The following AOAH variants were observed in gnomAD, a reference collection of about 807,000 sequenced individuals.
AOAH encodes acyloxyacyl hydrolase, also known as acyloxyacyl hydrolase (neutrophil).
AOAH carries 64 observed loss-of-function variants against 92.2 expected under a neutral mutation model. The observed-to-expected ratio is 0.69, with a 90% CI of 0.57 to 0.86. The LOEUF (loss-of-function observed/expected upper bound fraction) is 0.86. AOAH is among the 40% of genes least tolerant of loss of function. The pLI is 0.00. For missense variants in AOAH, 656 were observed against 694.6 expected, an observed-to-expected ratio of 0.94 and a Z score of 0.62; for synonymous variants, 263 against 254.5, an observed-to-expected ratio of 1.03 and a Z score of -0.32.
At chr7:36,653,026 T>A (rs183298607) in intron 4 of AOAH, among the ~76,000 whole-genome samples, 13 of 152,346 alleles carry the variant, frequency 8.5e-5, no homozygotes, top group African/African-American at 3.1e-4. Context: ...TGTGTTCACA[T>A]TGTGGGGAAT....
chr7:36,529,149 G>A (rs950587296), intron 19 of AOAH, among the ~76,000 whole-genome samples: 21 of 152,054 alleles, frequency 1.4e-4, no homozygotes, highest in Non-Finnish European at 2.9e-5. Context: ...TCCAGGGCTG[G>A]AAAGGGAGTT....
At chr7:36,541,377 G>A (rs556452098) in intron 15 of AOAH, among the ~76,000 whole-genome samples, 16 of 152,230 alleles carry the variant, frequency 1.1e-4, no homozygotes, top group Non-Finnish European at 2.1e-4. Flanking sequence ...AGAGACACAG[G>A]CCTAAAATCA....
At chr7:36,662,448 C>A (rs1180112563) in intron 3 of AOAH, among the ~76,000 whole-genome samples, 1 of 152,210 alleles carries the variant, frequency 6.6e-6, no homozygotes, top group East Asian at 1.9e-4. Flanking sequence ...CTGCTTGTTG[C>A]AGATAAAGTC....
intron 20 of AOAH, among the ~76,000 whole-genome samples, chr7:36,517,230 C>CTTTCTCTTTCTTTCTG (rs1205876365): frequency 3.8e-4 from 32 of 83,170 alleles, no homozygotes; most frequent in African/African-American, 1.6e-3. Context: ...CTTTCTGTCT[C>CTTTCTCTTTCTTTCTG]TCTCTCTCTC....
intron 4 of AOAH, among the ~76,000 whole-genome samples, chr7:36,651,564 C>T (rs910325200): frequency 2.6e-5 from 4 of 152,162 alleles, no homozygotes; most frequent in African/African-American, 9.6e-5. Flanking sequence ...GTGCAAGATT[C>T]TTGAAAATTA....
At chr7:36,658,436 T>C (rs746883185) in intron 4 of AOAH, among the ~76,000 whole-genome samples, 6 of 152,218 alleles carry the variant, frequency 3.9e-5, no homozygotes, top group Non-Finnish European at 7.3e-5. Flanking sequence ...GTGGCCTAAC[T>C]GGATTCAATA....
chr7:36,516,288 ACACACCCCCCCACACAGATAC>A lies in AOAH; in HGVS notation c.1600-2929_1600-2909del, dbSNP rs1006259152. Among the ~76,000 whole-genome samples the A allele has an allele frequency of 1.3e-5, 2 of 148,552 alleles. No homozygotes were observed. The highest frequency in any genetic ancestry group is 4.0e-4 in the East Asian group (2 of 5,000). ...CTCACCACATACACATATAACATAC[ACACACCCCCCCACACAGATAC>A]CACACACACACACACAGAAAGCACA... On this transcript the variant is annotated intron_variant, in intron 20 of 20. Coordinates refer to ENST00000617537, the MANE Select transcript of AOAH (RefSeq NM_001637.4). This position sits in a 1 kb window ranked among gnomAD's most constrained non-coding sequence, Gnocchi z 5.0.
chr7:36,605,100 A>G (rs902438473), intron 11 of AOAH, among the ~76,000 whole-genome samples: 1 of 151,976 alleles, frequency 6.6e-6, no homozygotes, highest in African/African-American at 2.4e-5. Context: ...CTAACTCCCA[A>G]CCATTTCCTT....
At chr7:36,722,787 AGCTGG>A (rs1185799925) in intron 1 of AOAH, among the ~76,000 whole-genome samples, 1 of 151,926 alleles carries the variant, frequency 6.6e-6, no homozygotes, top group Non-Finnish European at 1.5e-5. Context: ...ACAAAAAATT[AGCTGG>A]GTGTGGTGGT....
intron 2 of AOAH, among the ~76,000 whole-genome samples, chr7:36,675,777 G>T (rs1026059671): frequency 4.1e-4 from 62 of 152,030 alleles, no homozygotes; most frequent in Non-Finnish European, 8.2e-4. Context: ...CAGCAATACA[G>T]AAATTATACA....
chr7:36,712,880 A>C (rs7794093), intron 1 of AOAH, among the ~76,000 whole-genome samples: 93,876 of 151,982 alleles, frequency 0.62, 29,322 homozygotes, highest in East Asian at 0.83. Context: ...CAAAAACATG[A>C]CAAATTTTAA....
intron 12 of AOAH, among the ~76,000 whole-genome samples, chr7:36,590,769 C>T (rs1789685570): frequency 6.6e-6 from 1 of 152,210 alleles, no homozygotes; most frequent in South Asian, 2.1e-4. Flanking sequence ...CCCAAAATGC[C>T]CATGGGAGCT....
At position 36,549,470 on chromosome 7, in the gene AOAH, A is replaced by C. The variant is rs1786034191; in HGVS notation, c.1027T>G (p.Ser343Ala). 1.9e-6 allele frequency: 3 copies of C among 1,588,346 alleles called. No individual in the cohort carries two copies. In the African/African-American group the frequency reaches 4.0e-5, roughly 21 times the overall value. ...DYQNISRNGA[S>A]SRNLKKFIES... ...ATAAATTTCTTCAGGTTTCGGGAAG[A>C]TGCACCTGAATAATTAAAATTAAGA... The change falls in exon 14 of 21, where the codon TCT (serine) becomes GCT (alanine). Residue 343 changes from serine to alanine, a missense_variant. Physicochemically the swap from Ser to Ala is moderately conservative, Grantham distance 99. Transcript: ENST00000617537.
intron 3 of AOAH, among the ~76,000 whole-genome samples, chr7:36,671,631 CTGTG>C (rs1178576416): frequency 2.1e-5 from 3 of 145,778 alleles, no homozygotes; most frequent in African/African-American, 8.1e-5. Context: ...GTGTGTGCAT[CTGTG>C]TGTGTGCACG....
intron 12 of AOAH, among the ~76,000 whole-genome samples, chr7:36,588,516 C>T (rs921493590): frequency 2.0e-5 from 3 of 152,214 alleles, no homozygotes; most frequent in Non-Finnish European, 4.4e-5. Context: ...AATTATATCA[C>T]ATGTAATTTG....
In AOAH at chr7:36,513,394, C is replaced by A. The variant is rs1447217222; in HGVS notation, c.1600-14G>T. ...CAGCAAAGCCACCTGTGAGAGAGAA[C>A]CCAAAGGACGAGGAAAAGGGAAATT... is the stretch of plus-strand genomic sequence containing the variant. On this transcript the variant is annotated splice_polypyrimidine_tract_variant and intron_variant, in intron 20 of 20. Transcript: ENST00000617537. 1.9e-6 allele frequency: 3 copies of A among 1,611,328 alleles called. No individual in the cohort carries two copies. The highest frequency in any genetic ancestry group is 2.5e-6 in the Non-Finnish European group (3 of 1,178,218).
chr7:36,552,824 A>G (rs951935437), intron 13 of AOAH, among the ~76,000 whole-genome samples: 11 of 152,122 alleles, frequency 7.2e-5, no homozygotes, highest in African/African-American at 1.9e-4. Context: ...AACATATGGT[A>G]TTTGGTTTTC....
chr7:36,667,970 T>C (rs1316058458), intron 3 of AOAH, among the ~76,000 whole-genome samples: 1 of 152,234 alleles, frequency 6.6e-6, no homozygotes, highest in Admixed American at 6.5e-5. Flanking sequence ...CTAGACAGCA[T>C]ATAATTGAGT....
intron 2 of AOAH, among the ~76,000 whole-genome samples, chr7:36,684,893 T>TGA (rs1796872506): frequency 9.9e-6 from 1 of 101,370 alleles, no homozygotes; most frequent in Admixed American, 1.6e-4. Flanking sequence ...GGCGACAGAC[T>TGA]GAGACCTTGT....
Sources: allele counts gnomAD v4.1 joint callset (sites outside exome capture counted in the v4.1 genomes callset), GRCh38; gene constraint gnomAD v4.1.1; non-coding constraint Gnocchi (gnomAD v3.1); transcripts MANE v1.5; gene names NCBI Gene and HGNC (gene_info 2026-07-23, HGNC 2026-07-21).